The following WARS2 variants were observed in gnomAD, a reference collection of about 807,000 sequenced individuals.
WARS2 encodes the protein tryptophanyl tRNA synthetase 2, mitochondrial.
In WARS2, 28 loss-of-function variants were observed where a neutral mutation model predicts 36.5. That is an observed-to-expected ratio of 0.77 (90% CI 0.57 to 1.05). WARS2 has a LOEUF of 1.05. Among genes scored for constraint, WARS2 ranks in the 50% least tolerant of loss-of-function variants. The pLI, the probability that WARS2 is intolerant of heterozygous loss-of-function variation, is 0.00. For missense variants in WARS2, 435 were observed against 456.8 expected (o/e 0.95, Z 0.44); for synonymous variants, 174 against 178.4 (o/e 0.98, Z 0.20).
chr1:119,133,225 A>G (rs747228094), intron 1 of WARS2, among the ~76,000 whole-genome samples: 1 of 152,252 alleles, frequency 6.6e-6, no homozygotes, highest in Non-Finnish European at 1.5e-5. Flanking sequence ...TAAATTTACA[A>G]GACAGCTTTG....
At chr1:119,093,882 C>T (rs895812953) in intron 1 of WARS2, among the ~76,000 whole-genome samples, 14 of 152,184 alleles carry the variant, frequency 9.2e-5, no homozygotes, top group Admixed American at 4.6e-4. Flanking sequence ...AAATTCACAT[C>T]CAGGACACTG....
At chr1:119,072,428 T>C (rs1651396591) in intron 2 of WARS2, among the ~76,000 whole-genome samples, 1 of 152,320 alleles carries the variant, frequency 6.6e-6, no homozygotes, top group East Asian at 1.9e-4. Context: ...CTAAGGTTTA[T>C]TTTTAAGTTC....
chr1:119,122,500 T>G (rs1242939466), intron 1 of WARS2, among the ~76,000 whole-genome samples: 1 of 152,146 alleles, frequency 6.6e-6, no homozygotes, highest in African/African-American at 2.4e-5. Context: ...CTTAAAGAAT[T>G]AAAAGTAGAA....
At chr1:119,127,572 A>T (rs9428161) in intron 1 of WARS2, among the ~76,000 whole-genome samples, 77,298 of 151,972 alleles carry the variant, frequency 0.51, 20,785 homozygotes, top group East Asian at 0.84. Flanking sequence ...GCAAGGAGAC[A>T]AATTGCAGAA....
chr1:119,036,957 T>C (rs963319822), intron 4 of WARS2, among the ~76,000 whole-genome samples: 3 of 152,204 alleles, frequency 2.0e-5, no homozygotes, highest in Admixed American at 6.5e-5. Flanking sequence ...TTCTCATCCA[T>C]TGAGTTTACA....
intron 2 of WARS2, among the ~76,000 whole-genome samples, chr1:119,065,255 A>G (rs1039172360): frequency 6.6e-6 from 1 of 152,216 alleles, no homozygotes; most frequent in Non-Finnish European, 1.5e-5. Flanking sequence ...AAGGAAATTT[A>G]TACTGCTTAA....
At chr1:119,071,084 G>A (rs1651271458) in intron 2 of WARS2, among the ~76,000 whole-genome samples, 1 of 152,148 alleles carries the variant, frequency 6.6e-6, no homozygotes, top group South Asian at 2.1e-4. Context: ...TTGGGAGGCT[G>A]AGGCAGGAGA....
Position 119,116,334 on chromosome 1 carries a change from T to C in WARS2, c.90+24221A>G, listed in dbSNP as rs1325648176. ...TCCGTAAAACAAAGATAAGTCAACTTAAAGTAGGAGTTGTTAGGGAGAAAA... is the reference window on the plus strand; with the variant it reads ...TCCGTAAAACAAAGATAAGTCAACTCAAAGTAGGAGTTGTTAGGGAGAAAA... On this transcript the variant is annotated intron_variant, in intron 1 of 5. Transcript: ENST00000235521. 3.3e-5 allele frequency among the ~76,000 whole-genome samples: 5 copies of C among 152,072 alleles called. No homozygotes were observed. The South Asian group carries it at 1.0e-3, about 32-fold the overall frequency.
At chr1:119,039,940 T>C (rs1648209653) in intron 4 of WARS2, among the ~76,000 whole-genome samples, 1 of 152,058 alleles carries the variant, frequency 6.6e-6, no homozygotes, top group African/African-American at 2.4e-5. Context: ...AATACAAATA[T>C]TCATAGACAT....
At position 119,125,706 on chromosome 1, in the gene WARS2, T is replaced by C. The variant is rs587760231; in HGVS notation, c.90+14849A>G. On this transcript the variant is annotated intron_variant, in intron 1 of 5. Transcript: ENST00000235521. ...AGAGGAGAGTAGATATTTACACTTA[T>C]TCAGGCCTCTGTTATTATCTTTCCA... Among the ~76,000 whole-genome samples the C allele has an allele frequency of 3.3e-5, 5 of 152,336 alleles. No homozygotes were observed. In the East Asian group the frequency reaches 7.7e-4, roughly 23 times the overall value.
chr1:119,031,917 T>A lies in WARS2; in HGVS notation c.*994A>T, dbSNP rs1019258516. 1 of 152,682 alleles carries A rather than the reference T, an allele frequency of 6.5e-6. No individual in the cohort carries two copies. The highest frequency in any genetic ancestry group is 2.4e-5 in the African/African-American group (1 of 41,454). The allele number at this position is 152,682 out of a possible 1,614,324, so 9.5% of individuals were successfully genotyped here. ...TGTGAATCCAGATTTTAAGTTCGCA[T>A]CCATTGGCTGAATTGATGATATAAA... On this transcript the variant is annotated 3_prime_UTR_variant, in exon 6 of 6. Coordinates refer to ENST00000235521, the MANE Select transcript of WARS2 (RefSeq NM_015836.4).
intron 1 of WARS2, among the ~76,000 whole-genome samples, chr1:119,101,687 C>A (rs1245857644): frequency 1.3e-5 from 2 of 152,144 alleles, no homozygotes; most frequent in African/African-American, 4.8e-5. Context: ...CTCTAACAAA[C>A]ATGCTAGTCA....
intron 1 of WARS2, among the ~76,000 whole-genome samples, chr1:119,119,656 A>G (rs1391688465): frequency 6.6e-6 from 1 of 152,170 alleles, no homozygotes; most frequent in Non-Finnish European, 1.5e-5. Flanking sequence ...ACCATATGAT[A>G]GACCACAAAA....
chr1:119,078,419 T>C (rs1651906017), intron 1 of WARS2, among the ~76,000 whole-genome samples: 1 of 152,234 alleles, frequency 6.6e-6, no homozygotes, highest in Non-Finnish European at 1.5e-5. Flanking sequence ...TACTTCAATA[T>C]AGTGAACTAT....
At chr1:119,089,753 GA>G (rs1228741813) in intron 1 of WARS2, among the ~76,000 whole-genome samples, 1 of 152,078 alleles carries the variant, frequency 6.6e-6, no homozygotes, top group East Asian at 1.9e-4. Flanking sequence ...AATTACAAAA[GA>G]ATTATACTGG....
intron 2 of WARS2, among the ~76,000 whole-genome samples, chr1:119,051,613 A>G (rs7532510): frequency 0.26 from 38,904 of 152,046 alleles, 5,260 homozygotes; most frequent in African/African-American, 0.31. Context: ...AGGAACTGCC[A>G]CACTACTTTC....
intron 1 of WARS2, chr1:119,127,157 T>G: frequency 1.4e-6 from 1 of 727,396 alleles, no homozygotes; most frequent in Non-Finnish European, 2.5e-6. Context: ...CTAGCATCTT[T>G]CCAGTATTTC....
At chr1:119,129,863 A>G (rs587688429) in intron 1 of WARS2, among the ~76,000 whole-genome samples, 36 of 152,372 alleles carry the variant, frequency 2.4e-4, no homozygotes, top group Non-Finnish European at 2.5e-4. Flanking sequence ...AACTACTATA[A>G]TATCACTGGC....
chr1:119,076,541 G>A lies in WARS2; in HGVS notation c.157C>T (p.Leu53=). 1 of 1,614,158 alleles carries A rather than the reference G, an allele frequency of 6.2e-7. No homozygotes were observed. Among genetic ancestry groups the A allele is most frequent in the Non-Finnish European group, 8.5e-7 (1 of 1,180,028 alleles). The change falls in exon 2 of 6, where the codon CTG becomes TTG. Residue 53 remains leucine (L), a synonymous_variant. Coordinates refer to ENST00000235521, the MANE Select transcript of WARS2 (RefSeq NM_015836.4). ...PTGILHLGNY[L]GAIESWVRLQ... Reference sequence around the variant, plus strand: ...CTCACCCAGCTCTCAATGGCTCCCAGGTAATTGCCCAGGTGGAGGATTCCT... The same window carrying A: ...CTCACCCAGCTCTCAATGGCTCCCAAGTAATTGCCCAGGTGGAGGATTCCT...
Sources: gnomAD v4.1 joint callset for allele counts (sites outside exome capture counted in the v4.1 genomes callset) on GRCh38, gnomAD v4.1.1 for gene constraint, MANE v1.5 for transcripts, NCBI Gene and HGNC (gene_info 2026-07-23, HGNC 2026-07-21) for gene names.